SPECC1: variants seen among roughly 807,000 people sequenced by gnomAD.
SPECC1 encodes the protein cytospin-B.
In SPECC1, 62 loss-of-function variants were observed where a neutral mutation model predicts 104.1. That is an observed-to-expected ratio of 0.60 (90% CI 0.49 to 0.74). The LOEUF (loss-of-function observed/expected upper bound fraction) is 0.74. Ranked by LOEUF, SPECC1 falls within the 30% of genes least tolerant of loss-of-function variation. SPECC1 has a pLI of 0.00. For missense variants in SPECC1, 1,306 were observed against 1,310.5 expected (o/e 1.00, Z 0.05); for synonymous variants, 513 against 501.6 (o/e 1.02, Z -0.30).
intron 4 of SPECC1, among the ~76,000 whole-genome samples, chr17:20,212,441 T>A (rs1396781927): frequency 6.6e-6 from 1 of 152,196 alleles, no homozygotes; most frequent in Non-Finnish European, 1.5e-5. Flanking sequence ...TGCCTCACAA[T>A]CATGGTGGAA....
At chr17:20,312,156 C>T (rs548273233) in intron 14 of SPECC1, among the ~76,000 whole-genome samples, 44 of 152,278 alleles carry the variant, frequency 2.9e-4, no homozygotes, top group Non-Finnish European at 5.9e-4. Context: ...TCTCCTCTTC[C>T]ATTTTTTGAA....
At chr17:20,030,584 TATA>T (rs2044770218) in intron 1 of SPECC1, among the ~76,000 whole-genome samples, 2 of 152,178 alleles carry the variant, frequency 1.3e-5, no homozygotes, top group South Asian at 2.1e-4. Flanking sequence ...AGGCTTTATA[TATA>T]ATATTTTATG....
chr17:20,078,218 G>T (rs1037351719), intron 1 of SPECC1, among the ~76,000 whole-genome samples: 1 of 151,006 alleles, frequency 6.6e-6, no homozygotes, highest in Non-Finnish European at 1.5e-5. Context: ...AGAATGACAC[G>T]TTTGAGTTGC....
chr17:20,200,755 C>T (rs761751680), intron 3 of SPECC1, among the ~76,000 whole-genome samples: 1 of 152,138 alleles, frequency 6.6e-6, no homozygotes, highest in Non-Finnish European at 1.5e-5. Context: ...ATGGTGGGTG[C>T]ACAACCAAGA....
chr17:20,298,275 C>T (rs1470534428), intron 13 of SPECC1, among the ~76,000 whole-genome samples: 1 of 152,032 alleles, frequency 6.6e-6, no homozygotes, highest in Non-Finnish European at 1.5e-5. Context: ...TTGCTTGAAC[C>T]TGGGAGGCAG....
rs1454080361 is a variant in SPECC1, at chr17:20,297,140, C to A, written c.3057+63C>A. On this transcript the variant is annotated intron_variant, in intron 13 of 14. Coordinates refer to ENST00000395527, the MANE Select transcript of SPECC1 (RefSeq NM_001243439.2). ...AAATGCAGGAGTCCTAATTGATAAA[C>A]CCCACTGTGGGAGGGGGCTTACAGG... 9.1e-6 allele frequency: 13 copies of A among 1,433,262 alleles called. No homozygotes were observed. The African/African-American group carries it at 1.8e-4, about 20-fold the overall frequency. The allele number at this position is 1,433,262 out of a possible 1,614,324, so 88.8% of individuals were successfully genotyped here. A position where few individuals can be genotyped will look rare whatever the true frequency, so the allele number is the denominator to read the frequency against.
chr17:20,199,422 CAG>C (rs2036269404), intron 3 of SPECC1, among the ~76,000 whole-genome samples: 1 of 104,762 alleles, frequency 9.5e-6, no homozygotes, highest in Non-Finnish European at 1.8e-5. Context: ...TAAATAGAGA[CAG>C]GGTCTTTCTC....
In SPECC1 at chr17:20,231,847, G is replaced by A; in HGVS notation, c.2145+16G>A. ...GCAGATGAAGGTGAGATGCGGGTGG[G>A]AGCCTTCACCACCATCTTCCTATGA... On this transcript the variant is annotated intron_variant, in intron 6 of 14. Coordinates refer to ENST00000395527, the MANE Select transcript of SPECC1 (RefSeq NM_001243439.2). 6.2e-7 allele frequency: 1 copy of A among 1,612,914 alleles called. No homozygotes were observed. The highest frequency in any genetic ancestry group is 1.1e-5 in the South Asian group (1 of 91,074).
intron 1 of SPECC1, among the ~76,000 whole-genome samples, chr17:20,088,348 G>T (rs2047259528): frequency 6.6e-6 from 1 of 152,206 alleles, no homozygotes; most frequent in African/African-American, 2.4e-5. Context: ...TCCTGTGGCT[G>T]CTGAATGGGC....
At chr17:20,175,531 C>T (rs982988892) in intron 3 of SPECC1, among the ~76,000 whole-genome samples, 3 of 152,158 alleles carry the variant, frequency 2.0e-5, no homozygotes, top group African/African-American at 7.2e-5. Flanking sequence ...AGTCGGTCTT[C>T]TCATTCATTG....
At position 20,286,475 on chromosome 17, in the gene SPECC1, C is replaced by T. The variant is rs116915478; in HGVS notation, c.2941-10486C>T. Among the ~76,000 whole-genome samples the T allele has an allele frequency of 3.4e-3, 518 of 152,234 alleles. 2 individuals carry two copies. The highest frequency in any genetic ancestry group is 5.1e-3 in the Non-Finnish European group (349 of 68,014). On this transcript the variant is annotated intron_variant, in intron 12 of 14. Coordinates refer to ENST00000395527, the MANE Select transcript of SPECC1 (RefSeq NM_001243439.2). Reference sequence around the variant, plus strand: ...TGCTTCTGTGAGCATTGAGGACTGTCGCGCAGCAGCTCAGCCAGATTTCAC... The same window carrying T: ...TGCTTCTGTGAGCATTGAGGACTGTTGCGCAGCAGCTCAGCCAGATTTCAC...
intron 7 of SPECC1, chr17:20,237,168 G>GA (rs2038963993): frequency 5.2e-6 from 7 of 1,339,350 alleles, no homozygotes; most frequent in South Asian, 4.9e-5. Context: ...ATGAAGTTCT[G>GA]AAAAAAACAA....
chr17:20,107,856 A>T (rs550648155), intron 2 of SPECC1, among the ~76,000 whole-genome samples: 4 of 152,180 alleles, frequency 2.6e-5, no homozygotes, highest in Non-Finnish European at 4.4e-5. Flanking sequence ...AAATATTTTT[A>T]AAAAATTAGC....
chr17:20,043,468 A>G (rs1431455529), intron 1 of SPECC1, among the ~76,000 whole-genome samples: 1 of 152,224 alleles, frequency 6.6e-6, no homozygotes, highest in Non-Finnish European at 1.5e-5. Context: ...GAAGAGCTTT[A>G]TCCAAAGCCA....
intron 3 of SPECC1, among the ~76,000 whole-genome samples, chr17:20,166,087 TAG>T (rs2033625380): frequency 6.6e-6 from 1 of 152,218 alleles, no homozygotes; most frequent in Non-Finnish European, 1.5e-5. Flanking sequence ...ACTGAAACAA[TAG>T]TATCAGTTAA....
rs1442431011 is a variant in SPECC1, at chr17:20,314,554, C to T, written c.*489C>T. 2.2e-5 allele frequency: 6 copies of T among 272,918 alleles called. No individual in the cohort carries two copies. Among genetic ancestry groups the T allele is most frequent in the Non-Finnish European group, 4.3e-5 (6 of 140,312 alleles). 16.9% of individuals were successfully genotyped at this position (272,918 alleles called of 1,614,324 possible). A position where few individuals can be genotyped will look rare whatever the true frequency, so the allele number is the denominator to read the frequency against. On this transcript the variant is annotated 3_prime_UTR_variant, in exon 15 of 15. Coordinates refer to ENST00000395527, the MANE Select transcript of SPECC1 (RefSeq NM_001243439.2). ...CTTTAGGAAGCCAAGGCAGTAGGAT[C>T]GTTTGAGCCCAGGAGTTCGAGGCTG... is the stretch of plus-strand genomic sequence containing the variant.
intron 12 of SPECC1, among the ~76,000 whole-genome samples, chr17:20,270,986 C>T (rs946333232): frequency 1.3e-5 from 2 of 152,142 alleles, no homozygotes; most frequent in African/African-American, 2.4e-5. Context: ...TATCTTTCTT[C>T]TGTGAATTAC....
At chr17:20,200,447 A>G (rs2526484) in intron 3 of SPECC1, among the ~76,000 whole-genome samples, 107,838 of 152,164 alleles carry the variant, frequency 0.71, 40,008 homozygotes, top group East Asian at 0.99. Context: ...ACTTCTTGGA[A>G]TCAGCCAGCC....
chr17:20,232,102 A>AT, intron 6 of SPECC1, 98 bp from the exon 7 acceptor site: 1 of 1,425,880 alleles, frequency 7.0e-7, no homozygotes, highest in Non-Finnish European at 9.7e-7. Flanking sequence ...CACTGATGGC[A>AT]TTTTTTTCTT....
Sources: allele counts gnomAD v4.1 joint callset (sites outside exome capture counted in the v4.1 genomes callset), GRCh38; gene constraint gnomAD v4.1.1; transcripts MANE v1.5; gene names NCBI Gene and HGNC (gene_info 2026-07-23, HGNC 2026-07-21).